TRIO: variants seen among roughly 807,000 people sequenced by gnomAD.
TRIO encodes triple functional domain protein.
Under a neutral mutation model 351.9 loss-of-function variants are expected in TRIO, and 58 were observed. That is an observed-to-expected ratio of 0.16 (90% CI 0.13 to 0.21). The LOEUF is 0.21. Among genes scored for constraint, TRIO ranks in the 10% least tolerant of loss-of-function variants. The pLI is 1.00. For missense variants in TRIO, 3,201 were observed against 4,027.8 expected (o/e 0.79, Z 5.56); for synonymous variants, 1,758 against 1,595.7 (o/e 1.10, Z -2.42).
intron 31 of TRIO, among the ~76,000 whole-genome samples, chr5:14,404,828 A>G (rs1204492440): frequency 6.6e-6 from 1 of 152,188 alleles, no homozygotes. Context: ...GTTTCTGTAG[A>G]AAGAGGATGA....
chr5:14,179,300 G>C (rs1214868485), intron 1 of TRIO, among the ~76,000 whole-genome samples: 2 of 152,148 alleles, frequency 1.3e-5, no homozygotes, highest in Non-Finnish European at 2.9e-5. Context: ...ATACGGTGAA[G>C]TTAGAGGAAT....
At position 14,502,660 on chromosome 5, in the gene TRIO, A is replaced by G. The variant is rs763050550; in HGVS notation, c.8411+3A>G. ...AGTGAAGTGGCTGAGCTTGGCAGGT[A>G]TGATGCACAACCCAGAACGCCTTCC... On this transcript the variant is annotated splice_donor_region_variant and intron_variant, in intron 54 of 56. Coordinates refer to ENST00000344204, the MANE Select transcript of TRIO (RefSeq NM_007118.4). The G allele has an allele frequency of 5.6e-5, 90 of 1,614,074 alleles. No individual in the cohort carries two copies. Among genetic ancestry groups the G allele is most frequent in the Non-Finnish European group, 7.4e-5 (87 of 1,180,022 alleles).
At chr5:14,257,576 G>C (rs950729791) in intron 1 of TRIO, among the ~76,000 whole-genome samples, 5 of 152,148 alleles carry the variant, frequency 3.3e-5, no homozygotes, top group African/African-American at 1.2e-4. Context: ...GGTGGGGAAG[G>C]GGGACAGACG....
At position 14,225,801 on chromosome 5, in the gene TRIO, C is replaced by CG. The variant is rs1027979140; in HGVS notation, c.158-45024_158-45023insG. On this transcript the variant is annotated intron_variant, in intron 1 of 56. Coordinates refer to ENST00000344204, the MANE Select transcript of TRIO (RefSeq NM_007118.4). ...CATATTCACTGCTCCCACCCCCCCC[C>CG]CCACCTCCAAGCCCAAAAGGATGAT... is the stretch of plus-strand genomic sequence containing the variant. Among the ~76,000 whole-genome samples, 589 of 137,986 alleles carry CG rather than the reference C, an allele frequency of 4.3e-3. 13 individuals are homozygous for CG. The highest frequency in any genetic ancestry group is 0.017 in the African/African-American group (555 of 33,336). The allele number at this position is 137,986 out of a possible 152,430, so 90.5% of individuals were successfully genotyped here.
chr5:14,366,249 C>T (rs955227856), intron 15 of TRIO, among the ~76,000 whole-genome samples: 1 of 152,122 alleles, frequency 6.6e-6, no homozygotes, highest in African/African-American at 2.4e-5. Flanking sequence ...CTTGAGGTCA[C>T]TGCCACACCT....
intron 6 of TRIO, among the ~76,000 whole-genome samples, chr5:14,294,759 C>T (rs1380505839): frequency 6.6e-6 from 1 of 152,112 alleles, no homozygotes; most frequent in East Asian, 1.9e-4. Flanking sequence ...GGGGGTAATA[C>T]CTGCCTTCCA....
chr5:14,360,359 A>G (rs1243920196), intron 13 of TRIO, among the ~76,000 whole-genome samples: 5 of 152,102 alleles, frequency 3.3e-5, no homozygotes, highest in African/African-American at 1.2e-4. Flanking sequence ...ATGAGCACGA[A>G]TTTACCTGGG....
Position 14,297,086 on chromosome 5 carries a change from T to C in TRIO, c.1191T>C (p.Asn397=). 6.2e-7 allele frequency: 1 copy of C among 1,612,954 alleles called. No individual in the cohort carries two copies. The highest frequency in any genetic ancestry group is 8.5e-7 in the Non-Finnish European group (1 of 1,179,066). Residue 397 remains asparagine (N), a synonymous_variant, in exon 7 of 57, where the codon AAT becomes AAC. Coordinates refer to ENST00000344204, the MANE Select transcript of TRIO (RefSeq NM_007118.4). ...FAMNCMNVYV[N]INRIMSVANR... is the part of the protein sequence containing the mutation. Reference sequence around the variant, plus strand: ...CCACTTTCCAGAACGTGTATGTAAATATAAACCGCATCATGTCGGTGGCCA... The same window carrying C: ...CCACTTTCCAGAACGTGTATGTAAACATAAACCGCATCATGTCGGTGGCCA...
At chr5:14,255,836 A>C (rs1794993871) in intron 1 of TRIO, among the ~76,000 whole-genome samples, 1 of 152,188 alleles carries the variant, frequency 6.6e-6, no homozygotes, top group Admixed American at 6.5e-5. Context: ...TGGTGTTCAA[A>C]GACTTTAGGA....
At position 14,174,706 on chromosome 5, in the gene TRIO, GAGGT is replaced by G. The variant is rs1483773430; in HGVS notation, c.157+30825_157+30828del. On this transcript the variant is annotated intron_variant, in intron 1 of 56. Transcript: ENST00000344204. ...TTTTGTGACATTCCCTCCATAGGTA[GAGGT>G]CAGATCGCCAAATAAATAATAGTAT... Among the ~76,000 whole-genome samples the G allele has an allele frequency of 3.3e-5, 5 of 152,348 alleles. No individual in the cohort carries two copies. In the East Asian group the frequency reaches 9.6e-4, roughly 29 times the overall value.
At position 14,439,661 on chromosome 5, in the gene TRIO, A is replaced by G. The variant is rs368882159; in HGVS notation, c.5203+19640A>G. Reference sequence around the variant, plus strand: ...TGGCAATAAAGTTGTCTTCTCTTACATAAAATGTGCTCTGTGCAGAACTCT... The same window carrying G: ...TGGCAATAAAGTTGTCTTCTCTTACGTAAAATGTGCTCTGTGCAGAACTCT... On this transcript the variant is annotated intron_variant, in intron 34 of 56. Transcript: ENST00000344204. Among the ~76,000 whole-genome samples the G allele has an allele frequency of 3.4e-4, 52 of 152,316 alleles. 1 individual carries two copies. The South Asian group carries it at 0.011, about 31-fold the overall frequency.
chr5:14,386,199 A>G (rs1229864138), intron 21 of TRIO, among the ~76,000 whole-genome samples: 1 of 152,184 alleles, frequency 6.6e-6, no homozygotes, highest in Non-Finnish European at 1.5e-5. Context: ...AGAGACATGA[A>G]GGAGCCATAG....
chr5:14,148,078 C>T (rs779498793), intron 1 of TRIO, among the ~76,000 whole-genome samples: 13 of 152,064 alleles, frequency 8.5e-5, no homozygotes, highest in East Asian at 3.8e-4. Flanking sequence ...CCTTGTAAAC[C>T]GACATATTGA....
At position 14,478,688 on chromosome 5, in the gene TRIO, C is replaced by G. The variant is rs931599667; in HGVS notation, c.6154-573C>G. Reference sequence around the variant, plus strand: ...GGTGTTGCGGCCAGGTGTGGTGGCTCATGCCTGTAATCCCAACACTTTGGG... The same window carrying G: ...GGTGTTGCGGCCAGGTGTGGTGGCTGATGCCTGTAATCCCAACACTTTGGG... On this transcript the variant is annotated intron_variant, in intron 41 of 56. Transcript: ENST00000344204. 4.0e-5 allele frequency among the ~76,000 whole-genome samples: 6 copies of G among 150,506 alleles called. No individual in the cohort carries two copies. In the South Asian group the frequency reaches 6.3e-4, roughly 16 times the overall value.
At chr5:14,380,729 A>G (rs777383773) in intron 20 of TRIO, among the ~76,000 whole-genome samples, 1 of 152,258 alleles carries the variant, frequency 6.6e-6, no homozygotes, top group Non-Finnish European at 1.5e-5. Context: ...GTATATACCC[A>G]AAGAATTATA....
At chr5:14,447,025 G>A (rs561112506) in intron 34 of TRIO, among the ~76,000 whole-genome samples, 2 of 152,276 alleles carry the variant, frequency 1.3e-5, no homozygotes, top group East Asian at 1.9e-4. Context: ...GAGGCCAGGA[G>A]TTCAAGACCA....
chr5:14,443,737 C>T (rs1752236430), intron 34 of TRIO, among the ~76,000 whole-genome samples: 1 of 152,244 alleles, frequency 6.6e-6, no homozygotes, highest in Admixed American at 6.5e-5. Context: ...CTGACATTGC[C>T]ATTGTCAATA....
rs79472723 is a variant in TRIO, at chr5:14,376,487, CT to C, written c.3332-1520del. ...ACATATATTTCACTCACCCATCCCA[CT>C]TTTTAATTTGTTACAAAAATGGGAC... On this transcript the variant is annotated intron_variant, in intron 19 of 56. Transcript: ENST00000344204. 2.0e-4 allele frequency among the ~76,000 whole-genome samples: 31 copies of C among 152,314 alleles called. No homozygotes were observed. The East Asian group carries it at 5.4e-3, about 27-fold the overall frequency.
At chr5:14,341,137 C>A (rs180790922) in intron 11 of TRIO, among the ~76,000 whole-genome samples, 3 of 152,276 alleles carry the variant, frequency 2.0e-5, no homozygotes, top group Admixed American at 2.0e-4. Flanking sequence ...CACTCTTAGT[C>A]CCCCTGCAGT....
Sources: allele counts gnomAD v4.1 joint callset (sites outside exome capture counted in the v4.1 genomes callset), GRCh38; gene constraint gnomAD v4.1.1; transcripts MANE v1.5; gene names NCBI Gene and HGNC (gene_info 2026-07-23, HGNC 2026-07-21).